The following CCDC171 variants were observed in gnomAD, a reference collection of about 807,000 sequenced individuals.
CCDC171 encodes the protein coiled-coil domain-containing protein 171.
In CCDC171, 177 loss-of-function variants were observed where a neutral mutation model predicts 168.2. The ratio of observed to expected loss-of-function variants is 1.05; its 90% CI spans 0.93 to 1.19. The LOEUF (loss-of-function observed/expected upper bound fraction) is 1.19, where lower values mean the gene tolerates loss of function less well. CCDC171 is among the 50% of genes most tolerant of loss of function. The pLI, the probability that CCDC171 is intolerant of heterozygous loss-of-function variation, is 0.00. For synonymous variants in CCDC171, 687 were observed against 540.8 expected (o/e 1.27, Z -3.75); for missense variants, 1,991 against 1,539.0 (o/e 1.29, Z -4.91).
intron 8 of CCDC171, among the ~76,000 whole-genome samples, chr9:16,036,401 T>C (rs1193960192): frequency 1.3e-5 from 2 of 152,140 alleles, no homozygotes; most frequent in Admixed American, 6.5e-5. Context: ...TCCCGGCAAT[T>C]TGGGAGGCCA....
At chr9:15,913,022 G>C (rs1430238921) in intron 24 of CCDC171, among the ~76,000 whole-genome samples, 2 of 152,184 alleles carry the variant, frequency 1.3e-5, no homozygotes, top group Non-Finnish European at 2.9e-5. Flanking sequence ...GTCTCTGCCA[G>C]GTTTTGCTAT....
intron 18 of CCDC171, among the ~76,000 whole-genome samples, chr9:15,776,876 T>A (rs1191123345): frequency 6.6e-6 from 1 of 152,254 alleles, no homozygotes; most frequent in East Asian, 1.9e-4. Context: ...ATTTAAATAA[T>A]CTTTCTGTGC....
At chr9:15,711,413 A>G (rs912691825) in intron 11 of CCDC171, among the ~76,000 whole-genome samples, 3 of 152,130 alleles carry the variant, frequency 2.0e-5, no homozygotes, top group African/African-American at 4.8e-5. Context: ...ATCCTGTTTA[A>G]CACTATCATA....
intron 5 of CCDC171, 128 bp downstream of exon 5, chr9:15,591,684 T>A: frequency 1.6e-6 from 1 of 619,548 alleles, no homozygotes; most frequent in Non-Finnish European, 2.7e-6. Flanking sequence ...CCCTCCCATT[T>A]TTTCTTTTTT....
At chr9:15,573,320 G>C (rs1201123345) in intron 3 of CCDC171, among the ~76,000 whole-genome samples, 1 of 152,034 alleles carries the variant, frequency 6.6e-6, no homozygotes, top group Non-Finnish European at 1.5e-5. Flanking sequence ...CTGTCACCCA[G>C]GCTGGAGTGC....
At chr9:15,785,073 T>C (rs769000250) in intron 21 of CCDC171, among the ~76,000 whole-genome samples, 7 of 152,152 alleles carry the variant, frequency 4.6e-5, no homozygotes, top group Non-Finnish European at 8.8e-5. Context: ...TTTTGGATTC[T>C]GGAAGGTTTT....
At chr9:15,588,372 T>A in intron 4 of CCDC171, 1 of 253,058 alleles carries the variant, frequency 4.0e-6, no homozygotes. Flanking sequence ...AGAGAAAGCC[T>A]GAAGGGGATG....
intron 6 of CCDC171, among the ~76,000 whole-genome samples, chr9:15,597,322 C>A (rs1365382166): frequency 6.6e-6 from 1 of 152,100 alleles, no homozygotes; most frequent in Non-Finnish European, 1.5e-5. Context: ...TACGTCCCAT[C>A]AATAGCTAAT....
intron 8 of CCDC171, among the ~76,000 whole-genome samples, chr9:15,663,276 T>TTTA (rs2133089773): frequency 6.6e-6 from 1 of 152,336 alleles, no homozygotes; most frequent in Non-Finnish European, 1.5e-5. Context: ...ATTTTCTGTC[T>TTTA]AATGTGAAGC....
intron 11 of CCDC171, among the ~76,000 whole-genome samples, chr9:15,701,905 G>T (rs903583173): frequency 4.6e-5 from 7 of 152,186 alleles, no homozygotes; most frequent in Admixed American, 4.6e-4. Flanking sequence ...CTTTGCAGAA[G>T]TTGTCAATAT....
chr9:15,948,862 A>C lies in CCDC171; in HGVS notation c.3754-22747A>C, dbSNP rs1020752770. ...TTTGTCAATTTTGGCTTTGGTTGCC[A>C]TTGCTTTTGGTGTTTTAGACATGAA... is the stretch of plus-strand genomic sequence containing the variant. On this transcript the variant is annotated intron_variant, in intron 25 of 25. Coordinates refer to ENST00000380701, the MANE Select transcript of CCDC171 (RefSeq NM_173550.4). Among the ~76,000 whole-genome samples, 3 of 151,772 alleles carry C rather than the reference A, an allele frequency of 2.0e-5. No individual in the cohort carries two copies. The South Asian group carries it at 6.2e-4, about 32-fold the overall frequency.
At chr9:15,758,366 C>G (rs996438108) in intron 18 of CCDC171, among the ~76,000 whole-genome samples, 12 of 152,094 alleles carry the variant, frequency 7.9e-5, no homozygotes, top group Admixed American at 3.9e-4. Context: ...GGCCTGTAGC[C>G]CCTTTGTTTT....
chr9:15,743,631 A>C (rs1009165746), intron 16 of CCDC171, among the ~76,000 whole-genome samples: 9 of 152,230 alleles, frequency 5.9e-5, no homozygotes, highest in African/African-American at 2.2e-4. Flanking sequence ...ATTAGGCAAA[A>C]AGGAGCAGAG....
chr9:15,792,523 A>T (rs1270761238), intron 21 of CCDC171, among the ~76,000 whole-genome samples: 1 of 152,212 alleles, frequency 6.6e-6, no homozygotes, highest in Non-Finnish European at 1.5e-5. Flanking sequence ...CATAATTGTC[A>T]GATTCACCAA....
chr9:15,909,106 C>G (rs1412192366), intron 24 of CCDC171, among the ~76,000 whole-genome samples: 1 of 152,084 alleles, frequency 6.6e-6, no homozygotes, highest in African/African-American at 2.4e-5. Flanking sequence ...AATAATAAAG[C>G]TTATCCAATC....
chr9:16,037,649 A>T (rs899893672), intron 8 of CCDC171, among the ~76,000 whole-genome samples: 1 of 152,220 alleles, frequency 6.6e-6, no homozygotes, highest in Admixed American at 6.5e-5. Flanking sequence ...ATGAAAAAAT[A>T]AAATAGAGAT....
chr9:15,847,252 G>A (rs1265888469), intron 22 of CCDC171, among the ~76,000 whole-genome samples: 1 of 151,892 alleles, frequency 6.6e-6, no homozygotes, highest in Non-Finnish European at 1.5e-5. Context: ...AATATTGCGA[G>A]TAATATTTCC....
intron 1 of CCDC171, among the ~76,000 whole-genome samples, chr9:15,557,870 G>A (rs1349416056): frequency 1.3e-5 from 2 of 152,064 alleles, no homozygotes; most frequent in Non-Finnish European, 2.9e-5. Context: ...TATTGGCTGT[G>A]GGTTTGTCAT....
At chr9:15,820,889 A>G (rs2059745037) in intron 21 of CCDC171, among the ~76,000 whole-genome samples, 1 of 117,074 alleles carries the variant, frequency 8.5e-6, no homozygotes, top group Non-Finnish European at 1.9e-5. Flanking sequence ...ACAAAAAAAG[A>G]GAATTTTAGA....
Sources: allele counts gnomAD v4.1 joint callset (sites outside exome capture counted in the v4.1 genomes callset), GRCh38; gene constraint gnomAD v4.1.1; transcripts MANE v1.5; gene names NCBI Gene and HGNC (gene_info 2026-07-23, HGNC 2026-07-21).